The following HTR2A variants were observed in gnomAD, a reference collection of about 807,000 sequenced individuals.
HTR2A encodes 5-HT2 receptor.
In HTR2A, 14 loss-of-function variants were observed where a neutral mutation model predicts 31.0. That is an observed-to-expected ratio of 0.45 (90% CI 0.30 to 0.71). HTR2A has a LOEUF of 0.71. Among genes scored for constraint, HTR2A ranks in the 30% least tolerant of loss-of-function variants. HTR2A has a pLI of 0.09. For synonymous variants in HTR2A, 209 were observed against 225.2 expected, an observed-to-expected ratio of 0.93 and a Z score of 0.64; for missense variants, 442 against 573.3, an observed-to-expected ratio of 0.77 and a Z score of 2.34.
At position 46,835,609 on chromosome 13, in the gene HTR2A, A is replaced by T; in HGVS notation, c.644T>A (p.Leu215Gln). The T allele has an allele frequency of 1.2e-6, 2 of 1,613,794 alleles. No homozygotes were observed. Among genetic ancestry groups the T allele is most frequent in the Non-Finnish European group, 1.7e-6 (2 of 1,179,792 alleles). Reference protein sequence around the residue: ...GISMPIPVFGLQDDSKVFKEG... With the variant: ...GISMPIPVFGQQDDSKVFKEG... ...CTTAAAGACCTTCGAATCGTCCTGT[A>T]GCCCAAAGACTGGTATTGGCATGGA... Residue 215 changes from leucine to glutamine, a missense_variant, in exon 4 of 4, where the codon CTA (leucine) becomes CAA (glutamine). Leu to Gln is a moderately radical substitution (Grantham distance 113). This residue lies in a region of HTR2A where 174 missense variants were observed against 195.1 expected (regional missense o/e 0.89). Coordinates refer to ENST00000542664, the MANE Select transcript of HTR2A (RefSeq NM_000621.5).
intron 3 of HTR2A, among the ~76,000 whole-genome samples, chr13:46,873,427 T>TTTATTATTATTATTA (rs56356002): frequency 9.9e-4 from 143 of 144,810 alleles, no homozygotes; most frequent in African/African-American, 1.4e-3. Context: ...TAATATAAAA[T>TTTATTATTATTATTA]TTATTATTAT....
intron 3 of HTR2A, among the ~76,000 whole-genome samples, chr13:46,839,299 G>T (rs2138186766): frequency 6.6e-6 from 1 of 152,086 alleles, no homozygotes; most frequent in East Asian, 1.9e-4. Flanking sequence ...GTCAGCAAGG[G>T]TTGTAGAAAG....
At chr13:46,897,371 T>G (rs1044256818), upstream of HTR2A, among the ~76,000 whole-genome samples, 2 of 152,232 alleles carry the variant, frequency 1.3e-5, no homozygotes, top group Non-Finnish European at 2.9e-5. Flanking sequence ...CCAACAGTGT[T>G]TGTGTCCAGA....
At chr13:46,878,661 A>T (rs1593440769) in intron 3 of HTR2A, among the ~76,000 whole-genome samples, 1 of 152,200 alleles carries the variant, frequency 6.6e-6, no homozygotes, top group Non-Finnish European at 1.5e-5. Context: ...CCACAGAGGA[A>T]GAAGATCTAG....
Position 46,833,253 on chromosome 13 carries a change from C to T in HTR2A, c.*1584G>A, listed in dbSNP as rs890846437. ...TTTAAAACTACTCTCACAGTTGAAA[C>T]AAACTTGTTTCTGAACCAGGTAAGA... On this transcript the variant is annotated 3_prime_UTR_variant, in exon 4 of 4. Transcript: ENST00000542664. 5 of 152,168 alleles carry T rather than the reference C, an allele frequency of 3.3e-5. No individual in the cohort carries two copies. The highest frequency in any genetic ancestry group is 1.2e-4 in the African/African-American group (5 of 41,450). The allele number at this position is 152,168 out of a possible 1,614,324, so 9.4% of individuals were successfully genotyped here.
chr13:46,842,585 CAAG>C lies in HTR2A; in HGVS notation c.614-6949_614-6947del, dbSNP rs552044438. ...AAAGCACCTTTTCCATCATATTACA[CAAG>C]AGCCTATAGTGTCCCTAACACTCGA... is the stretch of plus-strand genomic sequence containing the variant. On this transcript the variant is annotated intron_variant, in intron 3 of 3. Transcript: ENST00000542664. Among the ~76,000 whole-genome samples, 9 of 152,324 alleles carry C rather than the reference CAAG, an allele frequency of 5.9e-5. No individual in the cohort carries two copies. The East Asian group carries it at 1.7e-3, about 29-fold the overall frequency.
intron 3 of HTR2A, among the ~76,000 whole-genome samples, chr13:46,844,347 C>T (rs1158361846): frequency 6.6e-6 from 1 of 152,258 alleles, no homozygotes; most frequent in Non-Finnish European, 1.5e-5. Context: ...TGAATAATTT[C>T]GTAATGCTTC....
chr13:46,896,081 C>G lies in HTR2A; in HGVS notation c.-175G>C, dbSNP rs1951102069. Reference sequence around the variant, plus strand: ...TTACAATGATAGTTAAAGAACTGAACTGTGGTGGCTGTAAGTTTTCTTCAT... The same window carrying G: ...TTACAATGATAGTTAAAGAACTGAAGTGTGGTGGCTGTAAGTTTTCTTCAT... On this transcript the variant is annotated 5_prime_UTR_variant, in exon 2 of 4. Transcript: ENST00000542664. 7.4e-7 allele frequency: 1 copy of G among 1,348,520 alleles called. No individual in the cohort carries two copies. The highest frequency in any genetic ancestry group is 9.5e-7 in the Non-Finnish European group (1 of 1,057,304). The allele number at this position is 1,348,520 out of a possible 1,614,324, so 83.5% of individuals were successfully genotyped here.
chr13:46,881,392 T>C (rs1378699026), intron 3 of HTR2A, among the ~76,000 whole-genome samples: 1 of 152,202 alleles, frequency 6.6e-6, no homozygotes, highest in Non-Finnish European at 1.5e-5. Flanking sequence ...TGAACATCTC[T>C]GTTCCTGGAT....
At chr13:46,869,366 C>A (rs7330368) in intron 3 of HTR2A, among the ~76,000 whole-genome samples, 112,665 of 152,036 alleles carry the variant, frequency 0.74, 41,960 homozygotes, top group African/African-American at 0.81. Context: ...AAATGCAAAT[C>A]AGAATCACAA....
intron 3 of HTR2A, among the ~76,000 whole-genome samples, chr13:46,850,290 T>G (rs1950673955): frequency 2.6e-5 from 4 of 152,336 alleles, no homozygotes; most frequent in African/African-American, 9.6e-5. Flanking sequence ...AATACTTACA[T>G]GGTGCTTACT....
rs748134081 is a variant in HTR2A, at chr13:46,835,394, T to C, written c.859A>G (p.Ser287Gly). 2.5e-6 allele frequency: 4 copies of C among 1,614,052 alleles called. No individual in the cohort carries two copies. The highest frequency in any genetic ancestry group is 8.5e-7 in the Non-Finnish European group (1 of 1,179,988). The part of the protein sequence containing the change: ...KLASFSFLPQ[S>G]SLSSEKLFQR... ...AAGAGCTTTTCTGAAGACAAAGAAC[T>C]CTGAGGGAGGAAGCTGAAAGAAGCT... The change falls in exon 4 of 4, where the codon AGT (serine) becomes GGT (glycine). Residue 287 changes from serine to glycine, a missense_variant. Physicochemically the swap from Ser to Gly is moderately conservative, Grantham distance 56 (BLOSUM62 0). Transcript: ENST00000542664.
At chr13:46,843,633 T>C (rs1299668146) in intron 3 of HTR2A, among the ~76,000 whole-genome samples, 1 of 152,018 alleles carries the variant, frequency 6.6e-6, no homozygotes, top group Admixed American at 6.6e-5. Context: ...TGCTGGGCTG[T>C]TCGTTAAAGC....
intron 3 of HTR2A, among the ~76,000 whole-genome samples, chr13:46,861,477 G>A (rs1360611056): frequency 6.6e-6 from 1 of 152,192 alleles, no homozygotes; most frequent in Non-Finnish European, 1.5e-5. Flanking sequence ...AAGGAGTAAA[G>A]TTGCTTCTGG....
At chr13:46,892,925 G>A (rs1356953007) in intron 2 of HTR2A, among the ~76,000 whole-genome samples, 2 of 152,072 alleles carry the variant, frequency 1.3e-5, no homozygotes, top group Non-Finnish European at 1.5e-5. Flanking sequence ...GTCAAAATTT[G>A]TGTTTTGGCT....
intron 3 of HTR2A, among the ~76,000 whole-genome samples, chr13:46,881,884 A>AT (rs1309929581): frequency 6.6e-6 from 1 of 152,004 alleles, no homozygotes; most frequent in Non-Finnish European, 1.5e-5. Context: ...CAGTTGATTT[A>AT]TTTTTTCAAG....
chr13:46,883,869 A>G (rs1203562223), intron 3 of HTR2A, among the ~76,000 whole-genome samples: 1 of 152,176 alleles, frequency 6.6e-6, no homozygotes, highest in African/African-American at 2.4e-5. Flanking sequence ...CAGAAAACAC[A>G]ATGATTTGCA....
At chr13:46,882,779 T>C (rs1019422974) in intron 3 of HTR2A, among the ~76,000 whole-genome samples, 12 of 152,222 alleles carry the variant, frequency 7.9e-5, no homozygotes, top group African/African-American at 2.9e-4. Context: ...ATGACAAACA[T>C]TACATTTACT....
chr13:46,880,620 C>G (rs1950952810), intron 3 of HTR2A, among the ~76,000 whole-genome samples: 1 of 152,100 alleles, frequency 6.6e-6, no homozygotes, highest in Non-Finnish European at 1.5e-5. Context: ...AGGCGGATCT[C>G]CTGAGGTCAG....
Sources: gnomAD v4.1 joint callset for allele counts (sites outside exome capture counted in the v4.1 genomes callset) on GRCh38, gnomAD v4.1.1 for gene constraint, gnomAD v4.1.1 regional missense constraint, MANE v1.5 for transcripts, NCBI Gene and HGNC (gene_info 2026-07-23, HGNC 2026-07-21) for gene names.